The following TAB1 variants were observed in gnomAD, a reference collection of about 807,000 sequenced individuals.
TAB1 encodes the protein TGF-beta-activated kinase 1 and MAP3K7-binding protein 1.
In TAB1, 30 loss-of-function variants were observed where a neutral mutation model predicts 54.5. The ratio of observed to expected loss-of-function variants is 0.55; its 90% confidence interval spans 0.41 to 0.75. TAB1 has a LOEUF of 0.75. TAB1 is among the 30% of genes least tolerant of loss of function. TAB1 has a pLI of 0.00. For synonymous variants in TAB1, 289 were observed against 286.9 expected (o/e 1.01, Z -0.07); for missense variants, 609 against 683.2 (o/e 0.89, Z 1.21).
At chr22:39,434,404 C>T (rs574975528), downstream of TAB1, among the ~76,000 whole-genome samples, 3 of 152,376 alleles carry the variant, frequency 2.0e-5, no homozygotes, top group South Asian at 4.1e-4. Flanking sequence ...GAAGTGCAGA[C>T]AGGGGCTGTG....
At chr22:39,409,729 G>GC (rs1926526395) in intron 1 of TAB1, among the ~76,000 whole-genome samples, 2 of 152,080 alleles carry the variant, frequency 1.3e-5, no homozygotes, top group Non-Finnish European at 2.9e-5. Context: ...TCATCTAGAG[G>GC]CCCCCACCGC....
Position 39,399,813 on chromosome 22 carries a change from A to G in TAB1, c.11A>G (p.Gln4Arg). 6.3e-7 allele frequency: 1 copy of G among 1,597,208 alleles called. No homozygotes were observed. Among genetic ancestry groups the G allele is most frequent in the African/African-American group, 1.3e-5 (1 of 74,868 alleles). ...AGGGGTTCCTCCAAGATGGCGGCGC[A>G]GAGGAGGAGCTTGCTGCAGAGTGTG... MAA[Q>R]RRSLLQSEQQ... Residue 4 changes from glutamine to arginine, a missense_variant, in exon 1 of 11, where the codon CAG (glutamine) becomes CGG (arginine). Physicochemically the swap from Gln to Arg is conservative, Grantham distance 43 (BLOSUM62 1). Coordinates refer to ENST00000216160, the MANE Select transcript of TAB1 (RefSeq NM_006116.3).
intron 1 of TAB1, among the ~76,000 whole-genome samples, chr22:39,411,614 G>T (rs762392859): frequency 6.6e-6 from 1 of 152,118 alleles, no homozygotes; most frequent in South Asian, 2.1e-4. Flanking sequence ...TGGAGCAGCC[G>T]GAACTCAACA....
Position 39,428,035 on chromosome 22 carries a change from G to A in TAB1, c.1159G>A (p.Val387Met). 1 of 1,606,808 alleles carries A rather than the reference G, an allele frequency of 6.2e-7. No homozygotes were observed. Among genetic ancestry groups the A allele is most frequent in the Non-Finnish European group, 8.5e-7 (1 of 1,174,596 alleles). Reference protein sequence around the residue: ...PSPAPAAGGRVYPVSVPYSSA... With the variant: ...PSPAPAAGGRMYPVSVPYSSA... ...TCCTCCCAAAGCTGCAGGAGGACGA[G>A]TGTACCCTGTGTCTGTGCCATACTC... Residue 387 changes from valine to methionine, a missense_variant, in exon 10 of 11, where the codon GTG becomes ATG. Val to Met is a conservative substitution (Grantham distance 21, BLOSUM62 1). Transcript: ENST00000216160.
At position 39,430,125 on chromosome 22, in the gene TAB1, GC is replaced by G; in HGVS notation, c.1419del (p.Glu474ArgfsTer28). ...RSRPAHSLPP[G>X]EDGRVEPYVD... ...CGGCCCGCCCACTCGCTCCCGCCTG[GC>G]GAGGACGGTCGTGTTGAGCCCTATG... On this transcript the variant is annotated frameshift_variant, in exon 11 of 11. Coordinates refer to ENST00000216160, the MANE Select transcript of TAB1 (RefSeq NM_006116.3). LOFTEE classifies it high-confidence loss of function. 1 of 1,614,056 alleles carries G rather than the reference GC, an allele frequency of 6.2e-7. No homozygotes were observed. The highest frequency in any genetic ancestry group is 8.5e-7 in the Non-Finnish European group (1 of 1,180,050).
At position 39,428,084 on chromosome 22, in the gene TAB1, C is replaced by T; in HGVS notation, c.1208C>T (p.Thr403Ile). Reference protein sequence around the residue: ...PYSSAQSTSKTSVTLSLVMPS... With the variant: ...PYSSAQSTSKISVTLSLVMPS... ...TCCAGCGCCCAGAGCACCAGCAAGA[C>T]CAGCGTGACCCTCTCCCTTGTCATG... The change falls in exon 10 of 11, where the codon ACC becomes ATC. Residue 403 changes from threonine to isoleucine, a missense_variant. Coordinates refer to ENST00000216160, the MANE Select transcript of TAB1 (RefSeq NM_006116.3). The T allele has an allele frequency of 6.2e-7, 1 of 1,613,830 alleles. No individual in the cohort carries two copies. Among genetic ancestry groups the T allele is most frequent in the South Asian group, 1.1e-5 (1 of 91,080 alleles).
At position 39,431,379 on chromosome 22, in the gene TAB1, C is replaced by A; in HGVS notation, c.*1157C>A. On this transcript the variant is annotated 3_prime_UTR_variant, in exon 11 of 11. Coordinates refer to ENST00000216160, the MANE Select transcript of TAB1 (RefSeq NM_006116.3). Reference sequence around the variant, plus strand: ...AGACTTGCACCTTGGCCAAGCCACACAATCAGTGGGGCAGCCAGAGCTCAG... The same window carrying A: ...AGACTTGCACCTTGGCCAAGCCACAAAATCAGTGGGGCAGCCAGAGCTCAG... The A allele has an allele frequency of 2.0e-6, 2 of 985,518 alleles. No individual in the cohort carries two copies. Among genetic ancestry groups the A allele is most frequent in the Non-Finnish European group, 1.2e-6 (1 of 829,996 alleles). 61.0% of individuals were successfully genotyped at this position (985,518 alleles called of 1,614,324 possible).
In TAB1 at chr22:39,415,539, C is replaced by G. The variant is rs781656374; in HGVS notation, c.210C>G (p.Gly70=). The G allele has an allele frequency of 3.1e-6, 5 of 1,614,236 alleles. No individual in the cohort carries two copies. Among genetic ancestry groups the G allele is most frequent in the Non-Finnish European group, 4.2e-6 (5 of 1,180,044 alleles). The change falls in exon 3 of 11, where the codon GGC becomes GGG. Residue 70 remains glycine, a synonymous_variant. Transcript: ENST00000216160. This position sits in a 1 kb window ranked among gnomAD's most constrained non-coding sequence, Gnocchi z 4.9. The part of the protein sequence containing the change: ...NNCFLYGVFN[G]YDGNRVTNFV... ...GCTTCCTGTATGGGGTCTTCAACGG[C>G]TATGATGGCAACCGAGTGACCAACT... is the stretch of plus-strand genomic sequence containing the variant.
chr22:39,425,650 C>T (rs1233967581), intron 8 of TAB1, among the ~76,000 whole-genome samples: 3 of 151,454 alleles, frequency 2.0e-5, no homozygotes, highest in Non-Finnish European at 4.4e-5. Flanking sequence ...CCCGGGTTCA[C>T]GCCATTCTGC....
downstream of TAB1, among the ~76,000 whole-genome samples, chr22:39,436,205 A>T (rs908044767): frequency 3.9e-5 from 6 of 152,172 alleles, no homozygotes; most frequent in African/African-American, 1.4e-4. Flanking sequence ...AGGCAGGAGA[A>T]TCACTTGCAC....
rs1926980615 is a variant in TAB1, at chr22:39,419,538, C to T, written c.684C>T (p.Ile228=). 6.2e-7 allele frequency: 1 copy of T among 1,610,850 alleles called. No homozygotes were observed. The highest frequency in any genetic ancestry group is 8.5e-7 in the Non-Finnish European group (1 of 1,177,938). ...LSQLGLDAGK[I]KQVGIICGQE... ...CCGTAGGCTTGGATGCTGGAAAGAT[C>T]AAGCAGGTGGGGATCATCTGTGGGC... The change falls in exon 7 of 11, where the codon ATC becomes ATT. Residue 228 remains isoleucine, a synonymous_variant. Transcript: ENST00000216160.
At chr22:39,423,370 C>T (rs1290329823) in intron 8 of TAB1, among the ~76,000 whole-genome samples, 6 of 152,270 alleles carry the variant, frequency 3.9e-5, no homozygotes, top group East Asian at 1.9e-4. Flanking sequence ...TTTGGGAAGC[C>T]GAGGCAGGCG....
chr22:39,406,420 G>C (rs1423549150), intron 1 of TAB1, among the ~76,000 whole-genome samples: 1 of 136,754 alleles, frequency 7.3e-6, no homozygotes, highest in Non-Finnish European at 1.6e-5. Flanking sequence ...AAAAAAAAAG[G>C]AATCATTTGA....
chr22:39,402,252 G>A (rs1179883186), intron 1 of TAB1, among the ~76,000 whole-genome samples: 1 of 152,172 alleles, frequency 6.6e-6, no homozygotes, highest in African/African-American at 2.4e-5. Flanking sequence ...CTGGGTTCAA[G>A]CAATCCTCCT....
downstream of TAB1, chr22:39,433,597 T>G (rs567586742): frequency 1.0e-6 from 1 of 985,392 alleles, no homozygotes; most frequent in East Asian, 1.1e-4. Context: ...CCATCCTCAC[T>G]AGGAGTTGTA....
intron 1 of TAB1, among the ~76,000 whole-genome samples, chr22:39,401,057 C>T (rs35178453): frequency 8.6e-6 from 1 of 116,200 alleles, no homozygotes; most frequent in Admixed American, 8.1e-5. Context: ...AAAAAAAAAA[C>T]GAAAGTAAAC....
chr22:39,426,509 C>T (rs1484172978), intron 8 of TAB1, among the ~76,000 whole-genome samples, 194 bp from the exon 9 acceptor site: 3 of 152,228 alleles, frequency 2.0e-5, no homozygotes, highest in East Asian at 1.9e-4. Context: ...CACACACTTC[C>T]TAATGAGAAA....
In TAB1 at chr22:39,428,000, C is replaced by T. The variant is rs749098654; in HGVS notation, c.1145-21C>T. ...TTCTCCTCAGCTGCTGCCTGAGGCC[C>T]CCACTCTCTTCCTCCCAAAGCTGCA... On this transcript the variant is annotated intron_variant, in intron 9 of 10. Coordinates refer to ENST00000216160, the MANE Select transcript of TAB1 (RefSeq NM_006116.3). 7 of 1,563,080 alleles carry T rather than the reference C, an allele frequency of 4.5e-6. No homozygotes were observed. The South Asian group carries it at 7.0e-5, about 16-fold the overall frequency.
intron 1 of TAB1, among the ~76,000 whole-genome samples, chr22:39,403,784 A>G (rs4429561): frequency 0.71 from 107,416 of 151,312 alleles, 38,465 homozygotes; most frequent in East Asian, 1. Context: ...GACTACAGGC[A>G]CCCACCACCA....
Sources: allele counts gnomAD v4.1 joint callset (sites outside exome capture counted in the v4.1 genomes callset), GRCh38; gene constraint gnomAD v4.1.1; non-coding constraint Gnocchi (gnomAD v3.1); transcripts MANE v1.5; gene names NCBI Gene and HGNC (gene_info 2026-07-23, HGNC 2026-07-21).